The following ADGRL2 variants were observed in gnomAD, a reference collection of about 807,000 sequenced individuals.
ADGRL2 encodes the protein adhesion G protein-coupled receptor L2, also known as calcium-independent alpha-latrotoxin receptor 2.
A neutral mutation model predicts 157.4 loss-of-function variants in ADGRL2; 44 were observed. The ratio of observed to expected loss-of-function variants is 0.28; its 90% CI spans 0.22 to 0.36. The LOEUF (loss-of-function observed/expected upper bound fraction) is 0.36, where lower values mean the gene tolerates loss of function less well. Among genes scored for constraint, ADGRL2 ranks in the 10% least tolerant of loss-of-function variants. The pLI is 1.00. For missense variants in ADGRL2, 1,510 were observed against 1,768.9 expected, an observed-to-expected ratio of 0.85 and a Z score of 2.63; for synonymous variants, 585 against 624.7, an observed-to-expected ratio of 0.94 and a Z score of 0.95.
chr1:81,762,782 G>A (rs1019285632), intron 2 of ADGRL2, among the ~76,000 whole-genome samples: 1 of 152,120 alleles, frequency 6.6e-6, no homozygotes, highest in Non-Finnish European at 1.5e-5. Flanking sequence ...GCCAGGCGCG[G>A]TGGCTCATGC....
At chr1:81,917,098 G>A (rs961598871) in intron 3 of ADGRL2, among the ~76,000 whole-genome samples, 2 of 151,740 alleles carry the variant, frequency 1.3e-5, no homozygotes, top group African/African-American at 4.8e-5. Context: ...CTTCAGTGCT[G>A]GAATTACAAG....
intron 10 of ADGRL2, among the ~76,000 whole-genome samples, chr1:81,953,996 C>G (rs958097056): frequency 2.0e-5 from 3 of 152,078 alleles, no homozygotes; most frequent in South Asian, 2.1e-4. Context: ...AACTTGAGAA[C>G]TTTACAAGAA....
rs936114088 is a variant in ADGRL2 at position 81,392,563 on chromosome 1, A to T, written c.-301-52473A>T. ...CTACATCCTAAAATGCCATACTTGG[A>T]TTAACCACTCTCCATTAGATAAGCA... On this transcript the variant is annotated intron_variant, in intron 1 of 24. Transcript: ENST00000370721. Among the ~76,000 whole-genome samples the T allele has an allele frequency of 4.6e-5, 7 of 152,132 alleles. No homozygotes were observed. In the South Asian group the frequency reaches 1.2e-3, roughly 27 times the overall value.
chr1:81,531,295 G>A (rs1399295050), intron 2 of ADGRL2, among the ~76,000 whole-genome samples: 1 of 152,084 alleles, frequency 6.6e-6, no homozygotes, highest in Non-Finnish European at 1.5e-5. Context: ...ATAATAGATT[G>A]CATGTATGGT....
intron 3 of ADGRL2, among the ~76,000 whole-genome samples, chr1:81,916,997 CT>C (rs746736850): frequency 6.6e-6 from 1 of 150,646 alleles, no homozygotes; most frequent in African/African-American, 2.4e-5. Context: ...ATATATATGT[CT>C]TTTTTTTTCT....
chr1:81,979,983 T>G, intron 18 of ADGRL2, 23 bp downstream of exon 18: 1 of 1,312,756 alleles, frequency 7.6e-7, no homozygotes, highest in South Asian at 1.2e-5. Flanking sequence ...TATTTTAATT[T>G]TAATACTTGA....
intron 2 of ADGRL2, among the ~76,000 whole-genome samples, chr1:81,489,587 G>A (rs1325312105): frequency 6.8e-6 from 1 of 147,658 alleles, no homozygotes; most frequent in African/African-American, 2.7e-5. Context: ...CAAATATGAT[G>A]AAAGACATGA....
At chr1:81,490,523 A>G (rs543332137) in intron 2 of ADGRL2, among the ~76,000 whole-genome samples, 1 of 152,342 alleles carries the variant, frequency 6.6e-6, no homozygotes, top group East Asian at 1.9e-4. Flanking sequence ...TAAATAGTGT[A>G]CCCAAATAGT....
chr1:81,861,059 C>T (rs987268578), intron 2 of ADGRL2, among the ~76,000 whole-genome samples: 2 of 149,920 alleles, frequency 1.3e-5, no homozygotes, highest in Non-Finnish European at 3.0e-5. Flanking sequence ...TCTTGTCGCC[C>T]AGGCTGGAGT....
At chr1:81,753,132 A>C (rs760717545) in intron 1 of ADGRL2, among the ~76,000 whole-genome samples, 2 of 152,204 alleles carry the variant, frequency 1.3e-5, no homozygotes, top group Admixed American at 6.5e-5. Flanking sequence ...TATTTGTCCA[A>C]TTTCATGCTG....
chr1:81,578,630 A>C (rs1348215624), intron 2 of ADGRL2, among the ~76,000 whole-genome samples: 2 of 152,182 alleles, frequency 1.3e-5, no homozygotes, highest in Non-Finnish European at 2.9e-5. Flanking sequence ...AAAAAGCAGA[A>C]TACTCCAAGT....
intron 1 of ADGRL2, among the ~76,000 whole-genome samples, chr1:81,415,818 A>C (rs2077022365): frequency 6.6e-6 from 1 of 151,290 alleles, no homozygotes. Context: ...ATGAATAAAC[A>C]TTTGAAGAAC....
At chr1:81,685,103 G>A (rs2083201967) in intron 3 of ADGRL2, among the ~76,000 whole-genome samples, 1 of 152,098 alleles carries the variant, frequency 6.6e-6, no homozygotes, top group Non-Finnish European at 1.5e-5. Context: ...GCTTAGTCTT[G>A]CTTTGGCTAT....
intron 3 of ADGRL2, among the ~76,000 whole-genome samples, chr1:81,693,430 G>A (rs1386561303): frequency 6.6e-6 from 1 of 152,156 alleles, no homozygotes; most frequent in Non-Finnish European, 1.5e-5. Context: ...GGATACAATA[G>A]TTTTAGGCTA....
At chr1:81,657,853 T>A (rs1299401722) in intron 3 of ADGRL2, among the ~76,000 whole-genome samples, 1 of 152,218 alleles carries the variant, frequency 6.6e-6, no homozygotes, top group African/African-American at 2.4e-5. Context: ...AACTATTACA[T>A]CTTTTGTAAT....
chr1:81,681,060 C>A (rs577805659), intron 3 of ADGRL2, among the ~76,000 whole-genome samples: 8 of 152,280 alleles, frequency 5.3e-5, no homozygotes, highest in African/African-American at 1.9e-4. Flanking sequence ...AGAATGAGCC[C>A]TTTGGCCTAT....
chr1:81,331,683 A>G (rs896918076), intron 1 of ADGRL2, among the ~76,000 whole-genome samples: 5 of 152,154 alleles, frequency 3.3e-5, no homozygotes, highest in African/African-American at 1.2e-4. Context: ...CATATATTTG[A>G]CAAAGTATAG....
intron 3 of ADGRL2, among the ~76,000 whole-genome samples, chr1:81,648,294 C>G (rs766734965): frequency 6.6e-6 from 1 of 152,158 alleles, no homozygotes; most frequent in African/African-American, 2.4e-5. Flanking sequence ...ATCTGACTCC[C>G]TCAATTTATA....
intron 2 of ADGRL2, among the ~76,000 whole-genome samples, chr1:81,869,705 TAA>T (rs67231016): frequency 1.3e-3 from 201 of 150,192 alleles, no homozygotes; most frequent in African/African-American, 4.6e-3. Context: ...TAAATGTATG[TAA>T]AAAAAAAATA....
Sources: gnomAD v4.1 joint callset for allele counts (sites outside exome capture counted in the v4.1 genomes callset) on GRCh38, gnomAD v4.1.1 for gene constraint, MANE v1.5 for transcripts, NCBI Gene and HGNC (gene_info 2026-07-23, HGNC 2026-07-21) for gene names.